The following MS4A12 variants were observed in gnomAD, a reference collection of about 807,000 sequenced individuals.
MS4A12 encodes the protein membrane-spanning 4-domains subfamily A member 12.
Under a neutral mutation model 23.7 loss-of-function variants are expected in MS4A12, and 28 were observed. The ratio of observed to expected loss-of-function variants is 1.18; its 90% CI spans 0.88 to 1.62. MS4A12 has a LOEUF of 1.62. MS4A12 is among the 40% of genes most tolerant of loss of function. MS4A12 has a pLI of 0.00. For missense variants in MS4A12, 342 were observed against 327.0 expected (o/e 1.05, Z -0.35); for synonymous variants, 108 against 110.1 (o/e 0.98, Z 0.12).
At chr11:60,506,902 C>T in intron 6 of MS4A12, 64 bp downstream of exon 6, 1 of 1,543,626 alleles carries the variant, frequency 6.5e-7, no homozygotes, top group South Asian at 1.1e-5. Context: ...AGACTTGTGT[C>T]TGCTAAATCC....
rs1395992059 is a variant in MS4A12 at position 60,497,567 on chromosome 11, C to A, written c.249C>A (p.Asn83Lys). ...INPSVGTAVM[N>K]FKEEAKALGV... Reference sequence around the variant, plus strand: ...CAAGTGTGGGAACAGCAGTAATGAACTTTAAAGAAGAAGCAAAGGCACTAG... The same window carrying A: ...CAAGTGTGGGAACAGCAGTAATGAAATTTAAAGAAGAAGCAAAGGCACTAG... The change falls in exon 2 of 7, where the codon AAC (asparagine) becomes AAA (lysine). Residue 83 changes from asparagine to lysine, a missense_variant. Physicochemically the swap from Asn to Lys is moderately conservative, Grantham distance 94. Transcript: ENST00000016913. The A allele has an allele frequency of 3.1e-6, 5 of 1,614,132 alleles. No individual in the cohort carries two copies. The highest frequency in any genetic ancestry group is 4.2e-6 in the Non-Finnish European group (5 of 1,179,980).
At chr11:60,493,609 ATAGG>A (rs2086465688) in intron 1 of MS4A12, among the ~76,000 whole-genome samples, 1 of 152,222 alleles carries the variant, frequency 6.6e-6, no homozygotes, top group Non-Finnish European at 1.5e-5. Context: ...TAAAATTAAA[ATAGG>A]TAGGGAAAGA....
chr11:60,502,307 A>C (rs1463760475), intron 4 of MS4A12, among the ~76,000 whole-genome samples: 5 of 152,164 alleles, frequency 3.3e-5, no homozygotes, highest in Non-Finnish European at 7.4e-5. Flanking sequence ...TTTAACCTAA[A>C]AGCTCCCTGG....
Position 60,498,405 on chromosome 11 carries a change from T to C in MS4A12, c.276+811T>C, listed in dbSNP as rs145708015. 4.7e-3 allele frequency among the ~76,000 whole-genome samples: 722 copies of C among 152,304 alleles called. 3 individuals are homozygous for C. Among genetic ancestry groups the C allele is most frequent in the South Asian group, 0.033 (161 of 4,824 alleles). On this transcript the variant is annotated intron_variant, in intron 2 of 6. Transcript: ENST00000016913. ...TTGTGATGTTTTAGGGAAGTAAAAA[T>C]GAGCATAAGTTCTCCTGCAGCAGCC...
At chr11:60,496,595 T>C (rs1230547517) in intron 1 of MS4A12, among the ~76,000 whole-genome samples, 1 of 152,228 alleles carries the variant, frequency 6.6e-6, no homozygotes, top group Non-Finnish European at 1.5e-5. Context: ...ACTGCCCTCC[T>C]TGCCATACAA....
intron 5 of MS4A12, among the ~76,000 whole-genome samples, chr11:60,505,991 A>C (rs2086567146): frequency 6.6e-6 from 1 of 152,204 alleles, no homozygotes; most frequent in Non-Finnish European, 1.5e-5. Context: ...CTGTGCTCGA[A>C]GCCAGCTAAG....
intron 5 of MS4A12, among the ~76,000 whole-genome samples, chr11:60,505,326 C>T (rs1446950629): frequency 6.6e-6 from 1 of 152,114 alleles, no homozygotes; most frequent in Non-Finnish European, 1.5e-5. Flanking sequence ...CCCCATAATT[C>T]AATCATCTCC....
intron 1 of MS4A12, among the ~76,000 whole-genome samples, chr11:60,493,478 A>G (rs1186020956): frequency 1.3e-5 from 2 of 152,108 alleles, no homozygotes; most frequent in East Asian, 3.9e-4. Flanking sequence ...GCCATGCCCC[A>G]CTGGGCACTT....
chr11:60,502,208 C>T (rs1186545022), intron 4 of MS4A12, among the ~76,000 whole-genome samples, 169 bp downstream of exon 4: 1 of 152,216 alleles, frequency 6.6e-6, no homozygotes, highest in East Asian at 1.9e-4. Flanking sequence ...ATGGTCCACA[C>T]AGTTTGCCAC....
intron 2 of MS4A12, 33 bp downstream of exon 2, chr11:60,497,627 A>C (rs766359237): frequency 6.2e-7 from 1 of 1,606,024 alleles, no homozygotes. Flanking sequence ...TTTTAATTTC[A>C]CATTTGCAAG....
chr11:60,497,201 C>G, intron 1 of MS4A12, 112 bp from the exon 2 acceptor site: 2 of 1,240,852 alleles, frequency 1.6e-6, no homozygotes, highest in Non-Finnish European at 2.2e-6. Flanking sequence ...CCATTATCTG[C>G]TCACTTGTTC....
intron 2 of MS4A12, among the ~76,000 whole-genome samples, chr11:60,499,661 G>C (rs1415511106): frequency 6.6e-6 from 1 of 152,110 alleles, no homozygotes; most frequent in Non-Finnish European, 1.5e-5. Flanking sequence ...ATGAAACTGG[G>C]TTTTTTTCTA....
rs142748136 is a variant in MS4A12 at position 60,494,723 on chromosome 11, C to G, written c.-7+1895C>G. ...AACTTTAGACTAGCCTCCTTAGGTACCTTCTGTCATTTTACAGTTGAGACA... is the reference window on the plus strand; with the variant it reads ...AACTTTAGACTAGCCTCCTTAGGTAGCTTCTGTCATTTTACAGTTGAGACA... On this transcript the variant is annotated intron_variant, in intron 1 of 6. Coordinates refer to ENST00000016913, the MANE Select transcript of MS4A12 (RefSeq NM_017716.3). Among the ~76,000 whole-genome samples the G allele has an allele frequency of 8.5e-3, 1,288 of 152,236 alleles. 16 individuals are homozygous for G. The highest frequency in any genetic ancestry group is 0.01 in the Non-Finnish European group (683 of 68,016).
intron 6 of MS4A12, 57 bp downstream of exon 6, chr11:60,506,895 C>T (rs1039530735): frequency 6.5e-7 from 1 of 1,548,526 alleles, no homozygotes; most frequent in African/African-American, 1.4e-5. Flanking sequence ...GAAATACAGA[C>T]TTGTGTCTGC....
intron 2 of MS4A12, 142 bp from the exon 3 acceptor site, chr11:60,500,903 C>G: frequency 1.1e-6 from 1 of 920,574 alleles, no homozygotes; most frequent in Non-Finnish European, 1.6e-6. Context: ...CATGACCCAC[C>G]TCCTGCTTCA....
At chr11:60,497,770 T>A (rs2086501363) in intron 2 of MS4A12, 176 bp downstream of exon 2, 2 of 729,636 alleles carry the variant, frequency 2.7e-6, no homozygotes, top group Non-Finnish European at 2.1e-6. Flanking sequence ...TCATTTTAGA[T>A]CAAGCAAAAA....
chr11:60,495,037 G>C (rs1017214080), intron 1 of MS4A12, among the ~76,000 whole-genome samples: 1 of 150,614 alleles, frequency 6.6e-6, no homozygotes, highest in Admixed American at 6.6e-5. Flanking sequence ...CTGTCACCCA[G>C]GTTGGAGTGC....
chr11:60,498,777 A>G (rs1416962266), intron 2 of MS4A12, among the ~76,000 whole-genome samples: 1 of 152,240 alleles, frequency 6.6e-6, no homozygotes, highest in African/African-American at 2.4e-5. Context: ...TCCTTAGAAC[A>G]TGACATTTGA....
intron 5 of MS4A12, among the ~76,000 whole-genome samples, chr11:60,504,519 G>T (rs2086556061): frequency 6.6e-6 from 1 of 152,022 alleles, no homozygotes. Flanking sequence ...TGGTTTTATT[G>T]GTTTCATTTT....
Sources: allele counts gnomAD v4.1 joint callset (sites outside exome capture counted in the v4.1 genomes callset), GRCh38; gene constraint gnomAD v4.1.1; transcripts MANE v1.5; gene names NCBI Gene and HGNC (gene_info 2026-07-23, HGNC 2026-07-21).